CIMIP5: variants seen among roughly 807,000 people sequenced by gnomAD.
CIMIP5 encodes the protein ciliary microtubule inner protein 5.
the CIMIP5 span, among the ~76,000 whole-genome samples, chr2:11,140,831 G>T: frequency 6.6e-6 from 1 of 152,150 alleles, no homozygotes; most frequent in Non-Finnish European, 1.5e-5. Context: ...CCCTGATTGA[G>T]GATGGCAGCA....
the CIMIP5 span, among the ~76,000 whole-genome samples, chr2:11,142,040 T>G: frequency 1.3e-5 from 2 of 151,482 alleles, no homozygotes; most frequent in African/African-American, 2.4e-5. Flanking sequence ...CCGAGGCAGG[T>G]GGATCACCTG....
chr2:11,140,938 C>G, the CIMIP5 span, among the ~76,000 whole-genome samples: 1 of 152,058 alleles, frequency 6.6e-6, no homozygotes, highest in Non-Finnish European at 1.5e-5. Context: ...ATCACCACCT[C>G]CAATCCATCC....
At chr2:11,149,148 T>G in the CIMIP5 span, among the ~76,000 whole-genome samples, 1 of 152,124 alleles carries the variant, frequency 6.6e-6, no homozygotes, top group African/African-American at 2.4e-5. Context: ...CTAAAACGAC[T>G]GAGTGAAAGA....
the CIMIP5 span, among the ~76,000 whole-genome samples, chr2:11,142,501 G>GTC: frequency 6.6e-6 from 1 of 152,136 alleles, no homozygotes; most frequent in Admixed American, 6.5e-5. Context: ...GCCTGTAAGA[G>GTC]TCTCTCCCTG....
At chr2:11,135,684 CAG>C in the CIMIP5 span, among the ~76,000 whole-genome samples, 1 of 133,462 alleles carries the variant, frequency 7.5e-6, no homozygotes, top group Non-Finnish European at 1.6e-5. Context: ...TTTTTTTTGA[CAG>C]AGTCTCACTC....
the CIMIP5 span, chr2:11,146,119 A>C: frequency 6.6e-6 from 1 of 152,170 alleles, no homozygotes; most frequent in Non-Finnish European, 1.5e-5. Context: ...CAGGGGCTGA[A>C]ATGACTGCTC....
At chr2:11,138,352 C>T in the CIMIP5 span, among the ~76,000 whole-genome samples, 1 of 152,148 alleles carries the variant, frequency 6.6e-6, no homozygotes, top group African/African-American at 2.4e-5. Flanking sequence ...TATTGCACTC[C>T]TTAGTTCACC....
At chr2:11,133,148 G>A in the CIMIP5 span, 1 of 604,338 alleles carries the variant, frequency 1.7e-6, no homozygotes, top group Non-Finnish European at 2.6e-6. Context: ...CCCCAGCCCG[G>A]AGAGCCCTGT....
the CIMIP5 span, chr2:11,144,014 T>A: frequency 3.7e-6 from 6 of 1,607,672 alleles, no homozygotes; most frequent in Non-Finnish European, 5.1e-6. Context: ...GGCAGCAGGC[T>A]GGACACACCC....
the CIMIP5 span, chr2:11,144,088 G>T: frequency 1.3e-6 from 2 of 1,597,866 alleles, no homozygotes; most frequent in South Asian, 2.3e-5. Flanking sequence ...GAAGAAGCTG[G>T]AGGACCAGAT....
the CIMIP5 span, among the ~76,000 whole-genome samples, chr2:11,148,683 A>G: frequency 1.3e-5 from 2 of 149,290 alleles, no homozygotes; most frequent in African/African-American, 5.0e-5. Flanking sequence ...CAAATAATCC[A>G]TGGGTTCATA....
At chr2:11,140,570 G>T in the CIMIP5 span, 1 of 1,536,224 alleles carries the variant, frequency 6.5e-7, no homozygotes, top group African/African-American at 1.4e-5. Flanking sequence ...ATATGTTCCT[G>T]CCAAACATAC....
the CIMIP5 span, chr2:11,143,904 T>C: frequency 9.6e-6 from 15 of 1,556,216 alleles, no homozygotes; most frequent in African/African-American, 2.7e-5. Flanking sequence ...TGACCCGAGC[T>C]GTCCCCTCTC....
the CIMIP5 span, chr2:11,133,538 G>C: frequency 4.8e-5 from 77 of 1,607,904 alleles, no homozygotes; most frequent in African/African-American, 9.7e-4. Flanking sequence ...GCGTGCAGCA[G>C]GACCAGCTGT....
chr2:11,137,002 GC>G, the CIMIP5 span, among the ~76,000 whole-genome samples: 1 of 152,356 alleles, frequency 6.6e-6, no homozygotes, highest in East Asian at 1.9e-4. Flanking sequence ...AGAGGAATGT[GC>G]AAGGCAGTGC....
chr2:11,146,995 T>G, the CIMIP5 span, among the ~76,000 whole-genome samples: 1 of 152,156 alleles, frequency 6.6e-6, no homozygotes, highest in Non-Finnish European at 1.5e-5. Flanking sequence ...TGGCTGCAAG[T>G]GGTCAGGCCT....
chr2:11,138,917 T>A, the CIMIP5 span, among the ~76,000 whole-genome samples: 2 of 151,762 alleles, frequency 1.3e-5, no homozygotes, highest in East Asian at 3.9e-4. Flanking sequence ...ATTTTTATTT[T>A]TATTTATTTT....
At chr2:11,141,715 G>A in the CIMIP5 span, among the ~76,000 whole-genome samples, 7 of 152,162 alleles carry the variant, frequency 4.6e-5, no homozygotes, top group Non-Finnish European at 7.3e-5. Flanking sequence ...AGGAATGGTG[G>A]CCCATGCCTG....
the CIMIP5 span, chr2:11,133,579 G>T: frequency 6.2e-7 from 1 of 1,601,500 alleles, no homozygotes; most frequent in Non-Finnish European, 8.5e-7. Context: ...GAGCGGCGGG[G>T]CCAGCAGCGC....
Sources: allele counts gnomAD v4.1 joint callset (sites outside exome capture counted in the v4.1 genomes callset), GRCh38; gene constraint gnomAD v4.1.1; transcripts MANE v1.5; gene names NCBI Gene and HGNC (gene_info 2026-07-23, HGNC 2026-07-21).